Variants in RTF2 observed in about 807,000 individuals in gnomAD.
The protein encoded by RTF2 is replication termination factor 2.
Under a neutral mutation model 38.0 loss-of-function variants are expected in RTF2, and 18 were observed. That is an observed-to-expected ratio of 0.47 (90% CI 0.33 to 0.70). RTF2 has a LOEUF of 0.70. RTF2 is among the 30% of genes least tolerant of loss of function. The probability of loss-of-function intolerance (pLI) is 0.02; values close to 1 mark genes in which losing one functional copy is unlikely to be tolerated. For synonymous variants in RTF2, 126 were observed against 137.1 expected, an observed-to-expected ratio of 0.92 and a Z score of 0.57; for missense variants, 311 against 379.6, an observed-to-expected ratio of 0.82 and a Z score of 1.50.
chr20:56,513,526 G>A (rs941850582), intron 6 of RTF2, 98 bp downstream of exon 6: 32 of 1,454,438 alleles, frequency 2.2e-5, no homozygotes, highest in Middle Eastern at 1.8e-4. Context: ...GGGTTTGCAT[G>A]ATCAAGGCGA....
At chr20:56,504,407 G>C (rs1984127527) in intron 5 of RTF2, 1 of 152,218 alleles carries the variant, frequency 6.6e-6, no homozygotes, top group Non-Finnish European at 1.5e-5. Context: ...TCAGCGTCTT[G>C]AAATTATTTT....
Position 56,517,959 on chromosome 20 carries a change from G to A in RTF2, c.743-128G>A, listed in dbSNP as rs542587330. ...GGAGTTGGCAATTAAGATGACGTCC[G>A]CCAGCACTCACACAGCCAGCAAGAG... On this transcript the variant is annotated intron_variant, in intron 8 of 8. Transcript: ENST00000357348. 9.9e-5 allele frequency: 85 copies of A among 861,230 alleles called. 1 individual carries two copies. The African/African-American group carries it at 1.1e-3, about 11-fold the overall frequency. The allele number at this position is 861,230 out of a possible 1,614,324, so 53.3% of individuals were successfully genotyped here.
intron 1 of RTF2, among the ~76,000 whole-genome samples, chr20:56,470,318 C>T (rs556687465): frequency 1.8e-4 from 28 of 152,134 alleles, no homozygotes; most frequent in African/African-American, 6.0e-4. Flanking sequence ...AAACAGGTGT[C>T]GGAAGAGGGT....
intron 6 of RTF2, chr20:56,514,280 ATGT>A (rs1267163175): frequency 6.6e-6 from 1 of 152,020 alleles, no homozygotes; most frequent in African/African-American, 2.4e-5. Flanking sequence ...CCAGCAGTAA[ATGT>A]TGTTCATGTT....
chr20:56,476,505 T>TC (rs1982251007), intron 3 of RTF2, among the ~76,000 whole-genome samples: 1 of 150,890 alleles, frequency 6.6e-6, no homozygotes, highest in African/African-American at 2.4e-5. Flanking sequence ...CTGTTTTCTT[T>TC]TTTTTTTTTT....
At chr20:56,485,681 T>G (rs1982759904) in intron 5 of RTF2, among the ~76,000 whole-genome samples, 1 of 152,200 alleles carries the variant, frequency 6.6e-6, no homozygotes, top group Non-Finnish European at 1.5e-5. Context: ...TTAAGCTTTC[T>G]TTTAAGAAAA....
intron 5 of RTF2, among the ~76,000 whole-genome samples, chr20:56,489,779 T>G (rs910658): frequency 0.82 from 125,520 of 152,220 alleles, 51,961 homozygotes; most frequent in East Asian, 0.99. Flanking sequence ...AAAGATGTAA[T>G]CTTTTTTATT....
Position 56,513,355 on chromosome 20 carries a change from A to G in RTF2, c.518A>G (p.Asn173Ser), listed in dbSNP as rs140687107. The G allele has an allele frequency of 2.6e-5, 42 of 1,608,792 alleles. No individual in the cohort carries two copies. Among genetic ancestry groups the G allele is most frequent in the African/African-American group, 1.3e-4 (10 of 74,976 alleles). ...AFQEDDVIML[N>S]GTKEDVDVLK... ...CAGGAGGATGATGTCATCATGCTCA[A>G]TGGCACCAAGGAGGATGTGGACGTG... Residue 173 changes from asparagine (N) to serine (S), a missense_variant, in exon 6 of 9, where the codon AAT (asparagine) becomes AGT (serine). Transcript: ENST00000357348.
chr20:56,484,645 C>T (rs1982693764), intron 5 of RTF2, among the ~76,000 whole-genome samples: 1 of 152,256 alleles, frequency 6.6e-6, no homozygotes, highest in Admixed American at 6.5e-5. Flanking sequence ...GCTTGTTCAT[C>T]TCTTTATCCG....
rs62210661 is a variant in RTF2, at chr20:56,477,079, G to A, written c.353G>A (p.Arg118His). 51 of 1,613,870 alleles carry A rather than the reference G, an allele frequency of 3.2e-5. No homozygotes were observed. The highest frequency in any genetic ancestry group is 3.3e-4 in the Middle Eastern group (2 of 6,084). ...AAGCACGATGACCTCCAGCGGGCGC[G>A]TTTCATCTGCCCCGTTGTGGGCCTG... ...GDKHDDLQRARFICPVVGLEM... is the reference protein window; with the variant it reads ...GDKHDDLQRAHFICPVVGLEM... Residue 118 changes from arginine to histidine, a missense_variant, in exon 4 of 9, where the codon CGT becomes CAT. Physicochemically the swap from Arg to His is conservative, Grantham distance 29. Coordinates refer to ENST00000357348, the MANE Select transcript of RTF2 (RefSeq NM_016407.5).
intron 5 of RTF2, 58 bp from the exon 6 acceptor site, chr20:56,513,257 G>A: frequency 1.3e-6 from 2 of 1,547,834 alleles, no homozygotes; most frequent in East Asian, 2.4e-5. Context: ...GGGGACTGAA[G>A]CGTGGCCTCC....
chr20:56,494,405 A>G (rs1041983364), intron 5 of RTF2, among the ~76,000 whole-genome samples: 4 of 152,098 alleles, frequency 2.6e-5, no homozygotes, highest in African/African-American at 7.2e-5. Context: ...TACCATGTGC[A>G]CACCTGAGGG....
At chr20:56,472,404 A>G (rs908097676) in intron 1 of RTF2, 1 of 1,532,646 alleles carries the variant, frequency 6.5e-7, no homozygotes, top group South Asian at 1.2e-5. Flanking sequence ...GGAGTGGGAC[A>G]TGGAATATGA....
chr20:56,515,575 CAGAGAG>C (rs58977063), intron 6 of RTF2: 3,286 of 130,182 alleles, frequency 0.025, 89 homozygotes, highest in Admixed American at 0.055. Flanking sequence ...CTGTCTCAGA[CAGAGAG>C]AGAGAGAGAG....
intron 6 of RTF2, 76 bp from the exon 7 acceptor site, chr20:56,516,859 G>C: frequency 1.4e-6 from 2 of 1,392,244 alleles, no homozygotes; most frequent in Non-Finnish European, 2.0e-6. Context: ...GGGCACCCGG[G>C]ACAATGGGCA....
At chr20:56,499,193 T>C (rs1222698631) in intron 5 of RTF2, among the ~76,000 whole-genome samples, 1 of 149,824 alleles carries the variant, frequency 6.7e-6, no homozygotes, top group Non-Finnish European at 1.5e-5. Flanking sequence ...GTAATACTTA[T>C]CTTTTTTTTT....
chr20:56,509,611 CA>C (rs567362731), intron 5 of RTF2, among the ~76,000 whole-genome samples: 157 of 105,982 alleles, frequency 1.5e-3, no homozygotes, highest in East Asian at 2.9e-3. Context: ...GATCCCATCT[CA>C]AAAAAAAAAA....
In RTF2 at chr20:56,477,119, A is replaced by G. The variant is rs747058195; in HGVS notation, c.393A>G (p.Arg131=). The change falls in exon 4 of 9, where the codon CGA becomes CGG. Residue 131 remains arginine (R), a synonymous_variant. Coordinates refer to ENST00000357348, the MANE Select transcript of RTF2 (RefSeq NM_016407.5). ...CPVVGLEMNG[R]HRFCFLRCCG... ...TTGTGGGCCTGGAGATGAACGGCCG[A>G]CACAGGTTAGTGACGGACCTGGGAC... The G allele has an allele frequency of 6.2e-7, 1 of 1,613,676 alleles. No individual in the cohort carries two copies. Among genetic ancestry groups the G allele is most frequent in the Non-Finnish European group, 8.5e-7 (1 of 1,179,856 alleles).
chr20:56,476,896 T>C, intron 3 of RTF2, 89 bp from the exon 4 acceptor site: 2 of 1,308,468 alleles, frequency 1.5e-6, no homozygotes, highest in East Asian at 2.5e-5. Context: ...TGGGAAGGGC[T>C]GGAATAACAA....
Sources: allele counts gnomAD v4.1 joint callset (sites outside exome capture counted in the v4.1 genomes callset), GRCh38; gene constraint gnomAD v4.1.1; transcripts MANE v1.5; gene names NCBI Gene and HGNC (gene_info 2026-07-23, HGNC 2026-07-21).